Variants in NBEA observed in about 807,000 individuals in gnomAD.
The protein encoded by NBEA is lysosomal-trafficking regulator 2.
A neutral mutation model predicts 343.4 loss-of-function variants in NBEA; 44 were observed. The ratio of observed to expected loss-of-function variants is 0.13; its 90% CI spans 0.10 to 0.16. The LOEUF is 0.16. Ranked by LOEUF, NBEA falls within the 10% of genes least tolerant of loss-of-function variation. The pLI is 1.00. For synonymous variants in NBEA, 1,175 were observed against 1,238.7 expected (o/e 0.95, Z 1.08); for missense variants, 2,555 against 3,631.3 (o/e 0.70, Z 7.62).
chr13:34,993,646 GT>G (rs962019287), intron 1 of NBEA, among the ~76,000 whole-genome samples: 2 of 152,104 alleles, frequency 1.3e-5, no homozygotes, highest in African/African-American at 4.8e-5. Flanking sequence ...AATGATGACT[GT>G]TTTTCGTGGT....
At chr13:35,653,328 C>CTTTTT (rs139682136) in intron 53 of NBEA, among the ~76,000 whole-genome samples, 1 of 114,034 alleles carries the variant, frequency 8.8e-6, no homozygotes, top group African/African-American at 3.3e-5. Context: ...TTCTTGGGTT[C>CTTTTT]TTTTTTTTTT....
At chr13:35,202,338 G>A (rs1174385323) in intron 31 of NBEA, among the ~76,000 whole-genome samples, 1 of 152,062 alleles carries the variant, frequency 6.6e-6, no homozygotes, top group East Asian at 1.9e-4. Context: ...CAGGGCATGG[G>A]GCATGTATTA....
chr13:35,269,626 G>A (rs1034402137), intron 34 of NBEA, among the ~76,000 whole-genome samples: 1 of 152,128 alleles, frequency 6.6e-6, no homozygotes, highest in Non-Finnish European at 1.5e-5. Context: ...GGTGTAAAAT[G>A]TTTGAATAAC....
intron 31 of NBEA, among the ~76,000 whole-genome samples, chr13:35,199,164 C>G (rs905599505): frequency 6.6e-6 from 1 of 152,038 alleles, no homozygotes; most frequent in Non-Finnish European, 1.5e-5. Context: ...TGCTTCTGGA[C>G]CAGTGCATTT....
intron 18 of NBEA, among the ~76,000 whole-genome samples, chr13:35,148,425 G>C (rs181217808): frequency 6.6e-6 from 1 of 152,214 alleles, no homozygotes; most frequent in Admixed American, 6.5e-5. Context: ...TCTATAAAAA[G>C]TTTGTTGACC....
chr13:35,623,561 T>G (rs775544280), intron 48 of NBEA, among the ~76,000 whole-genome samples: 35 of 152,104 alleles, frequency 2.3e-4, no homozygotes, highest in Admixed American at 7.2e-4. Flanking sequence ...ATTATTTAAC[T>G]ATAATTAATT....
At chr13:35,590,767 A>G (rs542281685) in intron 46 of NBEA, among the ~76,000 whole-genome samples, 1 of 152,288 alleles carries the variant, frequency 6.6e-6, no homozygotes, top group East Asian at 1.9e-4. Flanking sequence ...TTACATCAGC[A>G]TCCTGCAATA....
intron 48 of NBEA, among the ~76,000 whole-genome samples, chr13:35,617,157 T>A (rs1593378701): frequency 6.6e-6 from 1 of 152,242 alleles, no homozygotes; most frequent in Non-Finnish European, 1.5e-5. Context: ...AAGTTCCAAC[T>A]TGTGTTCATG....
intron 37 of NBEA, among the ~76,000 whole-genome samples, chr13:35,351,939 T>C (rs1004758848): frequency 6.6e-6 from 1 of 152,040 alleles, no homozygotes; most frequent in Non-Finnish European, 1.5e-5. Flanking sequence ...TTTAATTACT[T>C]CAATATTATT....
chr13:35,027,740 A>G (rs548575445), intron 1 of NBEA, among the ~76,000 whole-genome samples: 33 of 151,944 alleles, frequency 2.2e-4, no homozygotes, highest in Non-Finnish European at 3.8e-4. Context: ...GGTCATGTCT[A>G]AAAACTTTTA....
chr13:35,366,643 T>C (rs1397055314), intron 38 of NBEA, among the ~76,000 whole-genome samples: 1 of 151,042 alleles, frequency 6.6e-6, no homozygotes, highest in Non-Finnish European at 1.5e-5. Context: ...TCCTCAAACA[T>C]AAATTTTTAA....
rs1022571866 is a variant in NBEA at position 35,551,087 on chromosome 13, A to G, written c.6806+55A>G. Reference sequence around the variant, plus strand: ...GGCTTGTTAACATATTTCAATCTCAATATTACAGCAATGTAAATGTGGTTA... The same window carrying G: ...GGCTTGTTAACATATTTCAATCTCAGTATTACAGCAATGTAAATGTGGTTA... On this transcript the variant is annotated intron_variant, in intron 43 of 58. Transcript: ENST00000379939. The G allele has an allele frequency of 1.2e-5, 12 of 1,008,690 alleles. No homozygotes were observed. The Admixed American group carries it at 2.3e-4, about 19-fold the overall frequency. The allele number at this position is 1,008,690 out of a possible 1,614,324, so 62.5% of individuals were successfully genotyped here.
chr13:35,258,170 A>G (rs796635046), intron 34 of NBEA, among the ~76,000 whole-genome samples: 1 of 134,656 alleles, frequency 7.4e-6, no homozygotes, highest in Non-Finnish European at 1.6e-5. Flanking sequence ...AGTCTTTGTC[A>G]TTTTTTTTTT....
chr13:35,370,113 A>T (rs1325086900), intron 38 of NBEA, among the ~76,000 whole-genome samples: 1 of 151,968 alleles, frequency 6.6e-6, no homozygotes, highest in African/African-American at 2.4e-5. Context: ...ATGATCTAAC[A>T]CTGATGTAGG....
intron 54 of NBEA, 39 bp downstream of exon 54, chr13:35,655,049 G>C (rs758837905): frequency 6.4e-6 from 9 of 1,408,192 alleles, no homozygotes; most frequent in Non-Finnish European, 8.4e-6. Flanking sequence ...TCTTCAAAAT[G>C]ACTATTGTTA....
At chr13:35,582,230 G>A (rs149189205) in intron 45 of NBEA, among the ~76,000 whole-genome samples, 3,115 of 152,182 alleles carry the variant, frequency 0.02, 45 homozygotes, top group Non-Finnish European at 0.027. Context: ...AGCTTGCAGC[G>A]AGCCCAGATC....
chr13:35,659,470 T>C (rs1218951888), intron 55 of NBEA, among the ~76,000 whole-genome samples: 2 of 152,240 alleles, frequency 1.3e-5, no homozygotes, highest in Non-Finnish European at 2.9e-5. Flanking sequence ...AGAAAAAATG[T>C]CATGTTTGTG....
rs1362208546 is a variant in NBEA, at chr13:35,173,663, C to T, written c.4554+69C>T. ...AAAATCTTTTTTAAGTTGATGAGAA[C>T]AAAGTGCCATGGTATTGCTCAGTGA... On this transcript the variant is annotated intron_variant, in intron 27 of 58. Coordinates refer to ENST00000379939, the MANE Select transcript of NBEA (RefSeq NM_001385012.1). 6 of 1,478,562 alleles carry T rather than the reference C, an allele frequency of 4.1e-6. No individual in the cohort carries two copies. The South Asian group carries it at 5.2e-5, about 13-fold the overall frequency. 91.6% of individuals were successfully genotyped at this position (1,478,562 alleles called of 1,614,324 possible). A position where few individuals can be genotyped will look rare whatever the true frequency, so the allele number is the denominator to read the frequency against.
intron 10 of NBEA, among the ~76,000 whole-genome samples, chr13:35,074,942 C>CT (rs1382144189): frequency 6.6e-6 from 1 of 152,134 alleles, no homozygotes; most frequent in East Asian, 1.9e-4. Context: ...TTTATTTACT[C>CT]TAACCTACAT....
Sources: allele counts gnomAD v4.1 joint callset (sites outside exome capture counted in the v4.1 genomes callset), GRCh38; gene constraint gnomAD v4.1.1; transcripts MANE v1.5; gene names NCBI Gene and HGNC (gene_info 2026-07-23, HGNC 2026-07-21).